The following TMC1 variants were observed in gnomAD, a reference collection of about 807,000 sequenced individuals.
TMC1 encodes the protein transmembrane channel-like protein 1.
In TMC1, 84 loss-of-function variants were observed where a neutral mutation model predicts 105.8. The observed-to-expected ratio is 0.79, with a 90% CI of 0.67 to 0.95. TMC1 has a LOEUF of 0.95. TMC1 is among the 40% of genes least tolerant of loss of function. The pLI is 0.00. For synonymous variants in TMC1, 315 were observed against 311.5 expected, an observed-to-expected ratio of 1.01 and a Z score of -0.12; for missense variants, 817 against 914.1, an observed-to-expected ratio of 0.89 and a Z score of 1.37.
chr9:72,834,867 G>A (rs988430050), intron 23 of TMC1, among the ~76,000 whole-genome samples: 1 of 152,054 alleles, frequency 6.6e-6, no homozygotes, highest in Admixed American at 6.5e-5. Context: ...GCCCCACCAA[G>A]CTTGACTGCT....
At chr9:72,556,350 C>T (rs1219716343) in intron 1 of TMC1, among the ~76,000 whole-genome samples, 1 of 151,676 alleles carries the variant, frequency 6.6e-6, no homozygotes, top group Non-Finnish European at 1.5e-5. Flanking sequence ...CTCCTGACCT[C>T]AGGTGATCCA....
At chr9:72,747,506 G>T (rs1827508514) in intron 10 of TMC1, among the ~76,000 whole-genome samples, 1 of 152,130 alleles carries the variant, frequency 6.6e-6, no homozygotes, top group African/African-American at 2.4e-5. Context: ...AAAGAAACAA[G>T]AATATTCAGG....
At chr9:72,694,415 C>T (rs1404259750) in intron 6 of TMC1, 128 bp from the exon 7 acceptor site, 2 of 764,228 alleles carry the variant, frequency 2.6e-6, no homozygotes, top group Non-Finnish European at 4.5e-6. Context: ...TGCATCCCAT[C>T]ACGATGTGGA....
At chr9:72,528,102 TA>T (rs1301775080) in intron 1 of TMC1, among the ~76,000 whole-genome samples, 2 of 151,696 alleles carry the variant, frequency 1.3e-5, no homozygotes, top group African/African-American at 4.8e-5. Context: ...CTCTGGGAGG[TA>T]ATTAAGTTAT....
chr9:72,560,323 C>T (rs1587957518), intron 1 of TMC1, among the ~76,000 whole-genome samples: 1 of 152,186 alleles, frequency 6.6e-6, no homozygotes, highest in African/African-American at 2.4e-5. Flanking sequence ...CCACGAAATT[C>T]CACATGCATG....
At chr9:72,736,147 C>T (rs572205507) in intron 8 of TMC1, among the ~76,000 whole-genome samples, 10 of 151,970 alleles carry the variant, frequency 6.6e-5, no homozygotes, top group South Asian at 2.1e-4. Flanking sequence ...GAGGCTAGGG[C>T]GGGGTAGTAA....
intron 15 of TMC1, among the ~76,000 whole-genome samples, chr9:72,791,016 G>A (rs951817142): frequency 6.6e-6 from 1 of 152,112 alleles, no homozygotes; most frequent in Non-Finnish European, 1.5e-5. Flanking sequence ...ATTTGGGAAA[G>A]GAGATAGTCA....
intron 18 of TMC1, among the ~76,000 whole-genome samples, chr9:72,809,590 C>T (rs1828659352): frequency 6.6e-6 from 1 of 152,182 alleles, no homozygotes; most frequent in African/African-American, 2.4e-5. Context: ...AAGATGTAGA[C>T]TTACGTAGAG....
At chr9:72,610,230 AAAG>A (rs1395605749) in intron 2 of TMC1, among the ~76,000 whole-genome samples, 5 of 152,216 alleles carry the variant, frequency 3.3e-5, no homozygotes, top group Admixed American at 1.3e-4. Flanking sequence ...CTAGAGCTTA[AAAG>A]AAGATTATAT....
At chr9:72,822,164 A>G (rs186174860) in intron 20 of TMC1, among the ~76,000 whole-genome samples, 10 of 152,318 alleles carry the variant, frequency 6.6e-5, no homozygotes, top group Middle Eastern at 3.4e-3. Flanking sequence ...ATCTACTACA[A>G]GTTCTCCCAA....
At chr9:72,783,777 C>T (rs1295535919) in intron 13 of TMC1, among the ~76,000 whole-genome samples, 1 of 152,180 alleles carries the variant, frequency 6.6e-6, no homozygotes, top group East Asian at 1.9e-4. Flanking sequence ...TTAACAAAAA[C>T]AAGCAATGGG....
intron 1 of TMC1, among the ~76,000 whole-genome samples, chr9:72,572,733 A>G (rs1052925675): frequency 2.0e-5 from 3 of 152,178 alleles, no homozygotes; most frequent in African/African-American, 7.2e-5. Context: ...TCATGACTGT[A>G]ATCTCCCAGC....
At chr9:72,801,672 G>A (rs1485374662) in intron 17 of TMC1, among the ~76,000 whole-genome samples, 3 of 152,108 alleles carry the variant, frequency 2.0e-5, no homozygotes, top group Non-Finnish European at 4.4e-5. Flanking sequence ...CTAACATCAC[G>A]TGTGCAAAGT....
intron 6 of TMC1, among the ~76,000 whole-genome samples, chr9:72,689,586 C>A (rs1235434233): frequency 6.6e-6 from 1 of 151,914 alleles, no homozygotes; most frequent in Non-Finnish European, 1.5e-5. Flanking sequence ...TATTTTCTCT[C>A]TTGAGTTTGG....
At chr9:72,835,274 C>T (rs1349547267) in intron 23 of TMC1, among the ~76,000 whole-genome samples, 2 of 152,114 alleles carry the variant, frequency 1.3e-5, no homozygotes, top group African/African-American at 4.8e-5. Flanking sequence ...GGTTTTATGT[C>T]CATCTTCACT....
intron 8 of TMC1, among the ~76,000 whole-genome samples, chr9:72,713,726 A>ATT (rs755708635): frequency 4.4e-5 from 6 of 137,512 alleles, no homozygotes; most frequent in Non-Finnish European, 6.4e-5. Flanking sequence ...GGATTCATTG[A>ATT]TTTTTTTTTT....
rs576698714 is a variant in TMC1 at position 72,786,476 on chromosome 9, A to G, written c.885-1863A>G. On this transcript the variant is annotated intron_variant, in intron 13 of 23. Transcript: ENST00000297784. ...ACAAAACAAAAACAAAAACAAAACA[A>G]ACAAAAAGAAACACCTTAGGCAACA... Among the ~76,000 whole-genome samples, 4 of 152,100 alleles carry G rather than the reference A, an allele frequency of 2.6e-5. No homozygotes were observed. In the East Asian group the frequency reaches 7.8e-4, roughly 30 times the overall value.
chr9:72,808,708 C>T (rs1380156316), intron 18 of TMC1, among the ~76,000 whole-genome samples: 1 of 152,190 alleles, frequency 6.6e-6, no homozygotes, highest in Non-Finnish European at 1.5e-5. Context: ...AGCATGTGCC[C>T]ATGGAGTCTC....
At chr9:72,624,056 C>T (rs531007711) in intron 3 of TMC1, among the ~76,000 whole-genome samples, 17 of 152,134 alleles carry the variant, frequency 1.1e-4, no homozygotes, top group Admixed American at 1.3e-4. Flanking sequence ...CAGATGGTTC[C>T]GATAGATGGT....
Sources: gnomAD v4.1 joint callset for allele counts (sites outside exome capture counted in the v4.1 genomes callset) on GRCh38, gnomAD v4.1.1 for gene constraint, MANE v1.5 for transcripts, NCBI Gene and HGNC (gene_info 2026-07-23, HGNC 2026-07-21) for gene names.